The following PHACTR3 variants were observed in gnomAD, a reference collection of about 807,000 sequenced individuals.
PHACTR3 encodes the protein protein phosphatase 1, regulatory subunit 123.
In PHACTR3, 16 loss-of-function variants were observed where a neutral mutation model predicts 66.8. The observed-to-expected ratio is 0.24, with a 90% CI of 0.16 to 0.36. The LOEUF (loss-of-function observed/expected upper bound fraction) is 0.36, where lower values mean the gene tolerates loss of function less well. Among genes scored for constraint, PHACTR3 ranks in the 10% least tolerant of loss-of-function variants. The pLI is 1.00. For synonymous variants in PHACTR3, 323 were observed against 292.1 expected, an observed-to-expected ratio of 1.11 and a Z score of -1.08; for missense variants, 647 against 719.9, an observed-to-expected ratio of 0.90 and a Z score of 1.16.
At chr20:59,740,309 A>G (rs931161925) in intron 1 of PHACTR3, among the ~76,000 whole-genome samples, 2 of 148,520 alleles carry the variant, frequency 1.3e-5, no homozygotes, top group Non-Finnish European at 3.0e-5. Flanking sequence ...ATTGTTTTTC[A>G]TTTTAATTTT....
intron 1 of PHACTR3, among the ~76,000 whole-genome samples, chr20:59,728,186 G>A (rs1045160639): frequency 1.3e-4 from 19 of 151,980 alleles, no homozygotes; most frequent in Admixed American, 2.0e-4. Context: ...CCCACATCCC[G>A]CGGCAGCCAC....
intron 1 of PHACTR3, among the ~76,000 whole-genome samples, chr20:59,598,792 G>A (rs145803200): frequency 6.6e-6 from 1 of 152,150 alleles, no homozygotes; most frequent in Non-Finnish European, 1.5e-5. Context: ...ATTCCCACCC[G>A]CCACTACTTC....
chr20:59,751,495 T>C (rs1194161206), intron 3 of PHACTR3, among the ~76,000 whole-genome samples: 1 of 152,060 alleles, frequency 6.6e-6, no homozygotes, highest in Non-Finnish European at 1.5e-5. Flanking sequence ...TACATACACA[T>C]TGGACACCCT....
chr20:59,727,041 A>G (rs1452794220), intron 1 of PHACTR3, among the ~76,000 whole-genome samples: 2 of 152,166 alleles, frequency 1.3e-5, no homozygotes, highest in Admixed American at 6.5e-5. Context: ...GTCTAATTCC[A>G]GAACCTTTCA....
intron 1 of PHACTR3, among the ~76,000 whole-genome samples, chr20:59,693,930 C>A (rs553999753): frequency 6.6e-6 from 1 of 152,170 alleles, no homozygotes; most frequent in Non-Finnish European, 1.5e-5. Flanking sequence ...CAATTGGCAA[C>A]GTAAGCCCCA....
chr20:59,707,128 T>TCAGTGATGTGGACCACGC (rs1457765646), intron 1 of PHACTR3, among the ~76,000 whole-genome samples: 1 of 152,242 alleles, frequency 6.6e-6, no homozygotes, highest in African/African-American at 2.4e-5. Context: ...GTGGCTGCAT[T>TCAGTGATGTGGACCACGC]CAGTGATGTG....
In PHACTR3 at chr20:59,604,899, T is replaced by C. The variant is rs1444567729; in HGVS notation, c.-116T>C. On this transcript the variant is annotated 5_prime_UTR_variant, in exon 1 of 13. Coordinates refer to ENST00000371015, the MANE Select transcript of PHACTR3 (RefSeq NM_080672.5). ...GGCCTTTTTTTTTTTTTTTTTTTTT[T>C]AATTTTCTTTTTTAAAAAGACGCCC... 5.3e-5 allele frequency: 56 copies of C among 1,058,064 alleles called. No homozygotes were observed. The highest frequency in any genetic ancestry group is 6.3e-5 in the Non-Finnish European group (55 of 879,100). 65.5% of individuals were successfully genotyped at this position (1,058,064 alleles called of 1,614,324 possible). A position where few individuals can be genotyped will look rare whatever the true frequency, so the allele number is the denominator to read the frequency against.
In PHACTR3 at chr20:59,830,787, G is replaced by A. The variant is rs532195837; in HGVS notation, c.1329-5718G>A. Among the ~76,000 whole-genome samples the A allele has an allele frequency of 6.6e-6, 1 of 152,292 alleles. No homozygotes were observed. Among genetic ancestry groups the A allele is most frequent in the African/African-American group, 2.4e-5 (1 of 41,540 alleles). On this transcript the variant is annotated intron_variant, in intron 8 of 12. Coordinates refer to ENST00000371015, the MANE Select transcript of PHACTR3 (RefSeq NM_080672.5). This position sits in a 1 kb window ranked among gnomAD's most constrained non-coding sequence, Gnocchi z 5.8. ...TTCACCTGGGGAATCAGAGGCTCAAGTAAGGGAGGGCGTGACGCCATCACC... is the reference window on the plus strand; with the variant it reads ...TTCACCTGGGGAATCAGAGGCTCAAATAAGGGAGGGCGTGACGCCATCACC...
Position 59,738,335 on chromosome 20 carries a change from G to A in PHACTR3, c.119-4772G>A, listed in dbSNP as rs1274373441. On this transcript the variant is annotated intron_variant, in intron 1 of 12. Transcript: ENST00000371015. This position sits in a 1 kb window ranked among gnomAD's most constrained non-coding sequence, Gnocchi z 4.4. The stretch of plus-strand genomic sequence containing the variant: ...TGCACAATAAGGATGATAATAAGGG[G>A]GAGGGAGCAGCAGAGCACAGAGAGC... 6.6e-6 allele frequency among the ~76,000 whole-genome samples: 1 copy of A among 152,132 alleles called. No homozygotes were observed. The highest frequency in any genetic ancestry group is 2.4e-5 in the African/African-American group (1 of 41,432).
chr20:59,601,188 T>C (rs2033469672), upstream of PHACTR3, among the ~76,000 whole-genome samples: 1 of 152,246 alleles, frequency 6.6e-6, no homozygotes, highest in African/African-American at 2.4e-5. Context: ...TCTGATTGGA[T>C]GGACATTGCA....
Position 59,773,265 on chromosome 20 carries a change from C to A in PHACTR3, c.752-14C>A. On this transcript the variant is annotated splice_polypyrimidine_tract_variant and intron_variant, in intron 5 of 12. Transcript: ENST00000371015. ...TGAAGACCTATGTTCTTGCTGCTTCCTCCCACACCCCAGGCCAAGCCACAC... is the reference window on the plus strand; with the variant it reads ...TGAAGACCTATGTTCTTGCTGCTTCATCCCACACCCCAGGCCAAGCCACAC... 6.2e-7 allele frequency: 1 copy of A among 1,608,806 alleles called. No homozygotes were observed. The highest frequency in any genetic ancestry group is 2.2e-5 in the East Asian group (1 of 44,690).
chr20:59,630,439 T>G (rs995788929), intron 1 of PHACTR3, among the ~76,000 whole-genome samples: 2 of 152,228 alleles, frequency 1.3e-5, no homozygotes, highest in African/African-American at 4.8e-5. Flanking sequence ...CGCCTAGGCC[T>G]CCCAAAGTGC....
At chr20:59,755,060 G>A in intron 3 of PHACTR3, 122 bp from the exon 4 acceptor site, 1 of 951,612 alleles carries the variant, frequency 1.1e-6, no homozygotes, top group Non-Finnish European at 1.5e-6. Context: ...TGTGGTGAGG[G>A]GGAGAGGGGT....
intron 7 of PHACTR3, among the ~76,000 whole-genome samples, chr20:59,790,973 G>A (rs1003715300): frequency 3.3e-5 from 5 of 152,068 alleles, no homozygotes; most frequent in African/African-American, 4.8e-5. Context: ...CTATGACCTG[G>A]GACAACTCAT....
chr20:59,742,469 C>T (rs2039202477), intron 1 of PHACTR3, among the ~76,000 whole-genome samples: 2 of 152,020 alleles, frequency 1.3e-5, no homozygotes. Context: ...CACAGACGTG[C>T]TCACAGACGT....
intron 1 of PHACTR3, among the ~76,000 whole-genome samples, chr20:59,725,362 C>T (rs2038524054): frequency 6.6e-6 from 1 of 151,984 alleles, no homozygotes; most frequent in Admixed American, 6.5e-5. Flanking sequence ...TCAGTGAGTC[C>T]AGGTGGGCTG....
chr20:59,809,027 T>C (rs150823880), intron 8 of PHACTR3, among the ~76,000 whole-genome samples: 1 of 152,240 alleles, frequency 6.6e-6, no homozygotes, highest in East Asian at 1.9e-4. Flanking sequence ...CGGGTGAGAA[T>C]CCATGATCTG....
In PHACTR3 at chr20:59,605,077, C is replaced by A; in HGVS notation, c.63C>A (p.Pro21=). 1 of 1,421,378 alleles carries A rather than the reference C, an allele frequency of 7.0e-7. No homozygotes were observed. The highest frequency in any genetic ancestry group is 2.3e-4 in the Middle Eastern group (1 of 4,314). The allele number at this position is 1,421,378 out of a possible 1,614,324, so 88.0% of individuals were successfully genotyped here. ...LVSRGRSQSD[P]SVLTDSSATS... is the part of the protein sequence containing the mutation. ...CGCGGGGCCGCTCGCAGAGTGACCCCAGCGTCCTCACCGACTCCTCGGCCA... is the reference window on the plus strand; with the variant it reads ...CGCGGGGCCGCTCGCAGAGTGACCCAAGCGTCCTCACCGACTCCTCGGCCA... The change falls in exon 1 of 13, where the codon CCC becomes CCA. Residue 21 remains proline, a synonymous_variant. Transcript: ENST00000371015.
intron 1 of PHACTR3, among the ~76,000 whole-genome samples, chr20:59,699,335 T>G (rs2037410356): frequency 6.6e-6 from 1 of 152,114 alleles, no homozygotes; most frequent in South Asian, 2.1e-4. Flanking sequence ...AACTTCAAAT[T>G]TTAAGTCATT....
Sources: allele counts gnomAD v4.1 joint callset (sites outside exome capture counted in the v4.1 genomes callset), GRCh38; gene constraint gnomAD v4.1.1; non-coding constraint Gnocchi (gnomAD v3.1); transcripts MANE v1.5; gene names NCBI Gene and HGNC (gene_info 2026-07-23, HGNC 2026-07-21).